The following SGCD variants were observed in gnomAD, a reference collection of about 807,000 sequenced individuals.
SGCD encodes the protein delta-sarcoglycan.
Under a neutral mutation model 36.6 loss-of-function variants are expected in SGCD, and 18 were observed. The observed-to-expected ratio is 0.49, with a 90% CI of 0.34 to 0.73. The LOEUF is 0.73. Ranked by LOEUF, SGCD falls within the 30% of genes least tolerant of loss-of-function variation. The pLI, the probability that SGCD is intolerant of heterozygous loss-of-function variation, is 0.01. For synonymous variants in SGCD, 133 were observed against 130.6 expected, an observed-to-expected ratio of 1.02 and a Z score of -0.12; for missense variants, 387 against 346.7, an observed-to-expected ratio of 1.12 and a Z score of -0.92.
At chr5:155,746,323 T>A in the SGCD span, among the ~76,000 whole-genome samples, 2 of 152,028 alleles carry the variant, frequency 1.3e-5, no homozygotes, top group South Asian at 4.2e-4. Flanking sequence ...AGCAAAAGGT[T>A]TATTAAGGAA....
At chr5:155,889,573 G>T (rs1301404185) in intron 1 of SGCD, among the ~76,000 whole-genome samples, 1 of 152,140 alleles carries the variant, frequency 6.6e-6, no homozygotes, top group Admixed American at 6.5e-5. Flanking sequence ...TAGGAGAATT[G>T]TTCATTTAAA....
chr5:156,763,365 C>T lies in SGCD; in HGVS notation c.*3975C>T, dbSNP rs1757531424. ...GTTATCAACACCGCCACTGTGCTTACTGTTCCTACAGCCACACCAGGCTTG... is the reference window on the plus strand; with the variant it reads ...GTTATCAACACCGCCACTGTGCTTATTGTTCCTACAGCCACACCAGGCTTG... On this transcript the variant is annotated 3_prime_UTR_variant, in exon 9 of 9. Transcript: ENST00000337851. 1 of 152,624 alleles carries T rather than the reference C, an allele frequency of 6.6e-6. No homozygotes were observed. The highest frequency in any genetic ancestry group is 1.5e-5 in the Non-Finnish European group (1 of 68,050). The allele number at this position is 152,624 out of a possible 1,614,324, so 9.5% of individuals were successfully genotyped here.
intron 1 of SGCD, among the ~76,000 whole-genome samples, chr5:156,032,369 T>A (rs1009289625): frequency 3.9e-5 from 6 of 152,090 alleles, no homozygotes; most frequent in African/African-American, 1.4e-4. Context: ...TTATTCAAAT[T>A]TATTTCTGGC....
intron 6 of SGCD, among the ~76,000 whole-genome samples, chr5:156,638,580 C>T (rs1006232630): frequency 5.9e-5 from 9 of 152,158 alleles, no homozygotes; most frequent in African/African-American, 1.4e-4. Flanking sequence ...CAGAATTTTC[C>T]ATTAGTGTTA....
chr5:156,235,628 C>G (rs1472301174), intron 3 of SGCD, among the ~76,000 whole-genome samples: 1 of 152,050 alleles, frequency 6.6e-6, no homozygotes, highest in Non-Finnish European at 1.5e-5. Context: ...TTTTTCTTCT[C>G]TTCCCTACAG....
At chr5:155,989,663 A>G (rs1234724607) in intron 1 of SGCD, among the ~76,000 whole-genome samples, 1 of 152,210 alleles carries the variant, frequency 6.6e-6, no homozygotes, top group Non-Finnish European at 1.5e-5. Flanking sequence ...AATTTATTAT[A>G]CATTCTGTAA....
intron 1 of SGCD, among the ~76,000 whole-genome samples, chr5:155,950,891 T>C (rs1369180351): frequency 5.3e-5 from 8 of 152,170 alleles, no homozygotes; most frequent in African/African-American, 1.9e-4. Context: ...AATCCTCCTT[T>C]AAAGAATCCT....
At chr5:155,753,294 A>G in the SGCD span, among the ~76,000 whole-genome samples, 6,560 of 147,096 alleles carry the variant, frequency 0.045, 631 homozygotes, top group African/African-American at 0.17. Flanking sequence ...CCGAGATCGC[A>G]CCACTGCACT....
chr5:156,124,105 C>T (rs939172417), intron 3 of SGCD: 1 of 152,226 alleles, frequency 6.6e-6, no homozygotes, highest in East Asian at 1.9e-4. Context: ...TCTCCTCCCC[C>T]TTTCCCTGAC....
intron 3 of SGCD, among the ~76,000 whole-genome samples, chr5:156,184,824 C>A (rs1763696260): frequency 6.6e-6 from 1 of 152,152 alleles, no homozygotes; most frequent in African/African-American, 2.4e-5. Flanking sequence ...CCAAGAGGAG[C>A]CAGTTATATC....
intron 7 of SGCD, among the ~76,000 whole-genome samples, chr5:156,676,732 T>C (rs958946647): frequency 2.6e-5 from 4 of 152,218 alleles, no homozygotes; most frequent in African/African-American, 7.2e-5. Flanking sequence ...TGAGATGACA[T>C]CTGATGCCAA....
intron 3 of SGCD, among the ~76,000 whole-genome samples, chr5:156,503,614 T>C (rs1224110745): frequency 6.6e-6 from 1 of 152,150 alleles, no homozygotes; most frequent in Non-Finnish European, 1.5e-5. Context: ...AAAGTCTGAA[T>C]TGGAAACAGT....
intron 3 of SGCD, chr5:156,393,688 C>G (rs966986067): frequency 2.2e-6 from 1 of 454,230 alleles, no homozygotes; most frequent in South Asian, 1.6e-5. Context: ...GATCATCCAT[C>G]TCCCAGAGCC....
rs150098822 is a variant in SGCD, at chr5:156,480,535, A to G, written c.193-28066A>G. On this transcript the variant is annotated intron_variant, in intron 3 of 8. Transcript: ENST00000337851. ...GCCACTGTGCAAAGGAAATCAGATG[A>G]CCTTGATGGCTTTTAGCTGGGATCT... Among the ~76,000 whole-genome samples, 271 of 152,296 alleles carry G rather than the reference A, an allele frequency of 1.8e-3. 1 individual carries two copies. Among genetic ancestry groups the G allele is most frequent in the African/African-American group, 6.3e-3 (262 of 41,566 alleles).
intron 3 of SGCD, among the ~76,000 whole-genome samples, chr5:156,303,098 A>G (rs1028577007): frequency 1.2e-4 from 18 of 152,214 alleles, no homozygotes; most frequent in Non-Finnish European, 1.8e-4. Flanking sequence ...ATGTCCAGGA[A>G]TGCCATCTGG....
the SGCD span, among the ~76,000 whole-genome samples, chr5:155,826,144 T>G: frequency 6.6e-6 from 1 of 152,230 alleles, no homozygotes; most frequent in Non-Finnish European, 1.5e-5. Context: ...TAAGCAAGTC[T>G]AGCTCTAAAA....
chr5:156,478,177 T>G (rs113790252), intron 3 of SGCD, among the ~76,000 whole-genome samples: 4 of 152,286 alleles, frequency 2.6e-5, no homozygotes, highest in African/African-American at 9.6e-5. Context: ...AAGTCAAATT[T>G]CTTTATTTTC....
At chr5:156,060,982 CTG>C in intron 1 of SGCD, among the ~76,000 whole-genome samples, 1 of 144,994 alleles carries the variant, frequency 6.9e-6, no homozygotes, top group South Asian at 2.2e-4. Flanking sequence ...CGGAATCCCT[CTG>C]TCTTTTCTCT....
In SGCD at chr5:156,344,663, A is replaced by T; in HGVS notation, c.178A>T (p.Met60Leu). 6.2e-7 allele frequency: 1 copy of T among 1,603,144 alleles called. No individual in the cohort carries two copies. The highest frequency in any genetic ancestry group is 1.1e-5 in the South Asian group (1 of 88,672). ...CATGACCATCTGGATTCTCAAAGTC[A>T]TGAACTTCACAATTGTAAGTAAAAC... ...LAMTIWILKV[M>L]NFTIDGMGNL... Residue 60 changes from methionine (M) to leucine (L), a missense_variant, in exon 3 of 9, where the codon ATG becomes TTG. Coordinates refer to ENST00000337851, the MANE Select transcript of SGCD (RefSeq NM_000337.6).
Sources: allele counts gnomAD v4.1 joint callset (sites outside exome capture counted in the v4.1 genomes callset), GRCh38; gene constraint gnomAD v4.1.1; transcripts MANE v1.5; gene names NCBI Gene and HGNC (gene_info 2026-07-23, HGNC 2026-07-21).